Variants in SDK1 observed in about 807,000 individuals in gnomAD.
SDK1 encodes sidekick cell adhesion molecule 1.
In SDK1, 157 loss-of-function variants were observed where a neutral mutation model predicts 245.5. That is an observed-to-expected ratio of 0.64 (90% CI 0.56 to 0.73). The LOEUF (loss-of-function observed/expected upper bound fraction) is 0.73, where lower values mean the gene tolerates loss of function less well. Among genes scored for constraint, SDK1 ranks in the 30% least tolerant of loss-of-function variants. SDK1 has a pLI of 0.00. For missense variants in SDK1, 3,583 were observed against 3,002.3 expected (o/e 1.19, Z -4.52); for synonymous variants, 1,647 against 1,278.5 (o/e 1.29, Z -6.15).
rs184479656 is a variant in SDK1, at chr7:4,185,605, T to C, written c.5098+7019T>C. 3.7e-4 allele frequency among the ~76,000 whole-genome samples: 57 copies of C among 152,246 alleles called. 2 individuals carry two copies. In the East Asian group the frequency reaches 0.01, roughly 27 times the overall value. Reference sequence around the variant, plus strand: ...TGCAGCCCTGCATCCACGCGAGCCCTTGGATGGGGCAGCTGTCTTCTCTTT... The same window carrying C: ...TGCAGCCCTGCATCCACGCGAGCCCCTGGATGGGGCAGCTGTCTTCTCTTT... On this transcript the variant is annotated intron_variant, in intron 35 of 44. Transcript: ENST00000404826.
chr7:3,757,088 A>G (rs1196680302), intron 4 of SDK1, among the ~76,000 whole-genome samples: 14 of 152,010 alleles, frequency 9.2e-5, no homozygotes, highest in Non-Finnish European at 2.1e-4. Flanking sequence ...CTGCAATTCA[A>G]CTGAATTACA....
At chr7:3,633,156 A>G (rs1016416588) in intron 2 of SDK1, among the ~76,000 whole-genome samples, 4 of 152,136 alleles carry the variant, frequency 2.6e-5, no homozygotes, top group Admixed American at 6.5e-5. Context: ...GCTTATTTTC[A>G]TGGAAAATAG....
At chr7:3,906,623 T>C (rs936476996) in intron 5 of SDK1, among the ~76,000 whole-genome samples, 1 of 76,776 alleles carries the variant, frequency 1.3e-5, no homozygotes, top group Admixed American at 1.3e-4. Flanking sequence ...GTGTCTTTTT[T>C]TTTTTTTTTT....
intron 4 of SDK1, among the ~76,000 whole-genome samples, chr7:3,686,250 A>G (rs1226944448): frequency 6.6e-6 from 1 of 151,938 alleles, no homozygotes. Context: ...TTATTTTTGT[A>G]TTTTTAGTAG....
At chr7:3,641,346 A>G (rs1454824052) in intron 3 of SDK1, among the ~76,000 whole-genome samples, 3 of 152,166 alleles carry the variant, frequency 2.0e-5, no homozygotes, top group Non-Finnish European at 2.9e-5. Context: ...GTTTTGTCCT[A>G]TGACCCCATT....
chr7:4,037,793 T>A (rs1033112288), intron 17 of SDK1, among the ~76,000 whole-genome samples: 2 of 152,216 alleles, frequency 1.3e-5, no homozygotes, highest in Non-Finnish European at 2.9e-5. Context: ...CCTAGAGACC[T>A]TCTCTGCGAA....
intron 4 of SDK1, among the ~76,000 whole-genome samples, chr7:3,800,802 C>T (rs1055767709): frequency 3.9e-5 from 6 of 152,202 alleles, no homozygotes; most frequent in East Asian, 1.9e-4. Context: ...CAAAGTCCTT[C>T]ATACCTTTTG....
chr7:4,063,597 C>CAAAAAAAAAAAAAAAAAAAAAA (rs35423286), intron 19 of SDK1, among the ~76,000 whole-genome samples: 6 of 125,150 alleles, frequency 4.8e-5, no homozygotes, highest in South Asian at 2.6e-4. Flanking sequence ...ACAGAAATAG[C>CAAAAAAAAAAAAAAAAAAAAAA]AAAAAAAAAA....
At chr7:3,888,768 G>C (rs1245809272) in intron 5 of SDK1, among the ~76,000 whole-genome samples, 1 of 152,232 alleles carries the variant, frequency 6.6e-6, no homozygotes, top group Non-Finnish European at 1.5e-5. Context: ...GACATATTGT[G>C]AGAAGCCAAT....
chr7:4,000,719 T>C (rs999717329), intron 14 of SDK1, among the ~76,000 whole-genome samples: 1 of 152,234 alleles, frequency 6.6e-6, no homozygotes, highest in African/African-American at 2.4e-5. Context: ...TTCTTCATGC[T>C]TCAAATATTT....
chr7:3,422,630 C>A (rs1014504773), intron 1 of SDK1, among the ~76,000 whole-genome samples: 1 of 152,082 alleles, frequency 6.6e-6, no homozygotes, highest in African/African-American at 2.4e-5. Flanking sequence ...CCATCACACA[C>A]ACCCAGAAAA....
intron 1 of SDK1, among the ~76,000 whole-genome samples, chr7:3,334,880 T>G (rs992445460): frequency 1.3e-5 from 2 of 152,002 alleles, no homozygotes; most frequent in East Asian, 1.9e-4. Context: ...TTGATTTTTC[T>G]TTTTTTTCAA....
intron 4 of SDK1, among the ~76,000 whole-genome samples, chr7:3,802,350 C>A (rs1779128092): frequency 6.6e-6 from 1 of 152,022 alleles, no homozygotes; most frequent in South Asian, 2.1e-4. Flanking sequence ...ATACCAAGAC[C>A]TTATTTCTAA....
intron 31 of SDK1, 97 bp downstream of exon 31, chr7:4,158,648 C>T: frequency 1.2e-6 from 1 of 819,784 alleles, no homozygotes; most frequent in Non-Finnish European, 2.0e-6. Context: ...AAGGGGCCAC[C>T]AGGGAGTGGT....
rs549442936 is a variant in SDK1 at position 3,626,726 on chromosome 7, C to G, written c.458+7487C>G. 2.6e-5 allele frequency among the ~76,000 whole-genome samples: 4 copies of G among 152,302 alleles called. No individual in the cohort carries two copies. The South Asian group carries it at 8.3e-4, about 32-fold the overall frequency. ...CCTCCATCAGTGTAGTAACGCCTTT[C>G]TTTTTCACCAGCCCACTGGCATGAA... On this transcript the variant is annotated intron_variant, in intron 2 of 44. Transcript: ENST00000404826.
intron 5 of SDK1, among the ~76,000 whole-genome samples, chr7:3,847,776 C>G (rs1055429139): frequency 5.9e-5 from 9 of 152,182 alleles, no homozygotes; most frequent in Non-Finnish European, 1.0e-4. Context: ...TAAAACAAAA[C>G]CATGACATCA....
chr7:3,693,663 A>G (rs1784494499), intron 4 of SDK1, among the ~76,000 whole-genome samples: 1 of 151,902 alleles, frequency 6.6e-6, no homozygotes, highest in Non-Finnish European at 1.5e-5. Flanking sequence ...TATAATTGTT[A>G]TCTTTCTCTC....
chr7:3,845,488 CAA>C (rs369588343), intron 5 of SDK1, among the ~76,000 whole-genome samples: 463 of 40,138 alleles, frequency 0.012, 1 homozygote, highest in African/African-American at 0.037. Context: ...GACTCCGTCT[CAA>C]AAAAAAAAAA....
chr7:3,952,670 C>T (rs935848543), intron 7 of SDK1, among the ~76,000 whole-genome samples: 16 of 151,526 alleles, frequency 1.1e-4, no homozygotes, highest in African/African-American at 3.1e-4. Flanking sequence ...GTAAAACTAT[C>T]GGATGTTACC....
Sources: allele counts gnomAD v4.1 joint callset (sites outside exome capture counted in the v4.1 genomes callset), GRCh38; gene constraint gnomAD v4.1.1; transcripts MANE v1.5; gene names NCBI Gene and HGNC (gene_info 2026-07-23, HGNC 2026-07-21).